HS3ST4: variants seen among roughly 807,000 people sequenced by gnomAD.
HS3ST4 encodes the protein heparan sulfate-glucosamine 3-sulfotransferase 4.
Under a neutral mutation model 29.2 loss-of-function variants are expected in HS3ST4, and 17 were observed. That is an observed-to-expected ratio of 0.58 (90% CI 0.40 to 0.87). The LOEUF (loss-of-function observed/expected upper bound fraction) is 0.87, where lower values mean the gene tolerates loss of function less well. Ranked by LOEUF, HS3ST4 falls within the 40% of genes least tolerant of loss-of-function variation. HS3ST4 has a pLI of 0.00. For missense variants in HS3ST4, 627 were observed against 634.5 expected (o/e 0.99, Z 0.13); for synonymous variants, 314 against 285.7 (o/e 1.10, Z -1.00).
At chr16:26,123,947 T>G (rs1899309323) in intron 1 of HS3ST4, among the ~76,000 whole-genome samples, 1 of 152,154 alleles carries the variant, frequency 6.6e-6, no homozygotes, top group African/African-American at 2.4e-5. Context: ...ACTTTTTTTT[T>G]TTTGCTCTTG....
At chr16:26,107,520 A>G (rs1899073821) in intron 1 of HS3ST4, among the ~76,000 whole-genome samples, 1 of 152,168 alleles carries the variant, frequency 6.6e-6, no homozygotes, top group Admixed American at 6.5e-5. Flanking sequence ...GCCAAAATAT[A>G]GTTTTTTATC....
At position 25,939,936 on chromosome 16, in the gene HS3ST4, T is replaced by G. The variant is rs190573884; in HGVS notation, c.735-195676T>G. Reference sequence around the variant, plus strand: ...ATGCCTAATTTACTGGATAAGACTCTGGACCCCAAAGTGCCCCGGGAGTTA... The same window carrying G: ...ATGCCTAATTTACTGGATAAGACTCGGGACCCCAAAGTGCCCCGGGAGTTA... On this transcript the variant is annotated intron_variant, in intron 1 of 1. Transcript: ENST00000331351. 4.9e-4 allele frequency among the ~76,000 whole-genome samples: 75 copies of G among 152,318 alleles called. No individual in the cohort carries two copies. The East Asian group carries it at 0.013, about 27-fold the overall frequency.
intron 1 of HS3ST4, among the ~76,000 whole-genome samples, chr16:25,917,359 C>T (rs1432444563): frequency 6.6e-6 from 1 of 152,108 alleles, no homozygotes; most frequent in Non-Finnish European, 1.5e-5. Flanking sequence ...ATTACAGGCG[C>T]ATGCCACCAT....
chr16:25,967,409 C>A (rs1396939309), intron 1 of HS3ST4, among the ~76,000 whole-genome samples: 1 of 152,188 alleles, frequency 6.6e-6, no homozygotes, highest in African/African-American at 2.4e-5. Flanking sequence ...CCACCTCAGT[C>A]TCCCCAAGTG....
At position 26,022,493 on chromosome 16, in the gene HS3ST4, C is replaced by T. The variant is rs371473826; in HGVS notation, c.735-113119C>T. ...TTTTTCTATAAGAGCAGATAGCAAA[C>T]ATTTTAAGCTTTGTGGTCCAGGAGG... is the stretch of plus-strand genomic sequence containing the variant. On this transcript the variant is annotated intron_variant, in intron 1 of 1. Transcript: ENST00000331351. Among the ~76,000 whole-genome samples the T allele has an allele frequency of 5.3e-5, 8 of 152,192 alleles. No individual in the cohort carries two copies. In the East Asian group the frequency reaches 1.4e-3, roughly 26 times the overall value.
chr16:25,867,670 C>T (rs1418806428), intron 1 of HS3ST4, among the ~76,000 whole-genome samples: 2 of 152,066 alleles, frequency 1.3e-5, no homozygotes, highest in Non-Finnish European at 2.9e-5. Context: ...TCTTGGGACT[C>T]GGCTAGTATC....
At chr16:25,807,802 C>T (rs1222560119) in intron 1 of HS3ST4, among the ~76,000 whole-genome samples, 1 of 152,052 alleles carries the variant, frequency 6.6e-6, no homozygotes, top group Non-Finnish European at 1.5e-5. Flanking sequence ...GCAGTCTTGC[C>T]AGTATTGGAG....
At chr16:25,789,023 T>G (rs1334989939) in intron 1 of HS3ST4, among the ~76,000 whole-genome samples, 1 of 152,154 alleles carries the variant, frequency 6.6e-6, no homozygotes, top group Non-Finnish European at 1.5e-5. Context: ...TGCATTTCTT[T>G]ATCAATCCAT....
intron 1 of HS3ST4, among the ~76,000 whole-genome samples, chr16:26,034,668 C>CG (rs143831757): frequency 0.024 from 2,248 of 94,304 alleles, 15 homozygotes; most frequent in South Asian, 0.055. Flanking sequence ...ATAGCAGGGG[C>CG]GGGGGGGGGT....
At chr16:26,059,219 G>A (rs532314769) in intron 1 of HS3ST4, among the ~76,000 whole-genome samples, 2 of 152,102 alleles carry the variant, frequency 1.3e-5, no homozygotes, top group East Asian at 3.9e-4. Flanking sequence ...GTTCAGGGTG[G>A]CAAATGAGGT....
chr16:26,127,606 G>A (rs1314720114), intron 1 of HS3ST4, among the ~76,000 whole-genome samples: 2 of 152,166 alleles, frequency 1.3e-5, no homozygotes, highest in Non-Finnish European at 2.9e-5. Flanking sequence ...ACTGAATGGG[G>A]TTAAGGAGCA....
At chr16:25,855,759 A>G (rs1182241029) in intron 1 of HS3ST4, among the ~76,000 whole-genome samples, 1 of 151,998 alleles carries the variant, frequency 6.6e-6, no homozygotes, top group Admixed American at 6.6e-5. Context: ...GTGTATGTTT[A>G]GTCGTTTGTG....
In HS3ST4 at chr16:25,873,308, ATCCATCCATCCATCCT is replaced by A. The variant is rs1345924497; in HGVS notation, c.734+180161_734+180176del. ...CATCCATCCATCCATCCATCCATCC[ATCCATCCATCCATCCT>A]TCCTTCCTTCCTTTCATCCATCTAT... On this transcript the variant is annotated intron_variant, in intron 1 of 1. Coordinates refer to ENST00000331351, the MANE Select transcript of HS3ST4 (RefSeq NM_006040.3). Among the ~76,000 whole-genome samples the A allele has an allele frequency of 8.0e-3, 968 of 120,716 alleles. 7 individuals are homozygous for A. Among genetic ancestry groups the A allele is most frequent in the Non-Finnish European group, 0.012 (693 of 55,586 alleles). 79.2% of individuals were successfully genotyped at this position (120,716 alleles called of 152,430 possible).
intron 1 of HS3ST4, among the ~76,000 whole-genome samples, chr16:25,820,882 T>A (rs1967147718): frequency 6.6e-6 from 1 of 152,058 alleles, no homozygotes; most frequent in South Asian, 2.1e-4. Flanking sequence ...ACTATTTTTT[T>A]AAAATTCATT....
intron 1 of HS3ST4, among the ~76,000 whole-genome samples, chr16:25,877,712 A>G (rs894653502): frequency 7.3e-6 from 1 of 136,574 alleles, no homozygotes; most frequent in Non-Finnish European, 1.6e-5. Flanking sequence ...AGAAATGTCT[A>G]TTGTTTTAAG....
chr16:26,085,763 A>G (rs966280684), intron 1 of HS3ST4, among the ~76,000 whole-genome samples: 7 of 151,914 alleles, frequency 4.6e-5, no homozygotes, highest in African/African-American at 1.7e-4. Context: ...AGTCTCAGCT[A>G]CTTGAGAGGT....
intron 1 of HS3ST4, among the ~76,000 whole-genome samples, chr16:25,940,261 CT>C (rs1465002160): frequency 1.1e-5 from 1 of 88,056 alleles, no homozygotes; most frequent in Non-Finnish European, 2.4e-5. Context: ...GTGAATTAGT[CT>C]GATGATTAAG....
At chr16:25,696,705 G>A (rs1210829580) in intron 1 of HS3ST4, among the ~76,000 whole-genome samples, 1 of 152,188 alleles carries the variant, frequency 6.6e-6, no homozygotes, top group Non-Finnish European at 1.5e-5. Context: ...CTAGGGGAAA[G>A]TAACTCAGGA....
chr16:25,926,046 A>G (rs1411409397), intron 1 of HS3ST4, among the ~76,000 whole-genome samples: 1 of 125,904 alleles, frequency 7.9e-6, no homozygotes, highest in Non-Finnish European at 1.8e-5. Context: ...GGCACCGTTA[A>G]AAAAAAAAGT....
Sources: allele counts gnomAD v4.1 joint callset (sites outside exome capture counted in the v4.1 genomes callset), GRCh38; gene constraint gnomAD v4.1.1; transcripts MANE v1.5; gene names NCBI Gene and HGNC (gene_info 2026-07-23, HGNC 2026-07-21).